INTS12: variants seen among roughly 807,000 people sequenced by gnomAD.
The protein encoded by INTS12 is integrator complex subunit 12.
A neutral mutation model predicts 41.6 loss-of-function variants in INTS12; 13 were observed. The ratio of observed to expected loss-of-function variants is 0.31; its 90% CI spans 0.20 to 0.50. The LOEUF (loss-of-function observed/expected upper bound fraction) is 0.50. Ranked by LOEUF, INTS12 falls within the 20% of genes least tolerant of loss-of-function variation. INTS12 has a pLI of 0.98. For synonymous variants in INTS12, 199 were observed against 191.4 expected, an observed-to-expected ratio of 1.04 and a Z score of -0.33; for missense variants, 432 against 541.6, an observed-to-expected ratio of 0.80 and a Z score of 2.01.
At chr4:105,695,330 T>G (rs905946939) in intron 4 of INTS12, among the ~76,000 whole-genome samples, 186 bp downstream of exon 4, 1 of 152,194 alleles carries the variant, frequency 6.6e-6, no homozygotes, top group Non-Finnish European at 1.5e-5. Context: ...AACTTTAAAA[T>G]TTGTAAATTT....
At chr4:105,696,394 T>C (rs76024642) in intron 3 of INTS12, among the ~76,000 whole-genome samples, 45 of 152,304 alleles carry the variant, frequency 3.0e-4, no homozygotes, top group African/African-American at 1.1e-3. Context: ...ATCATCATCA[T>C]CACTTATCTG....
At position 105,686,720 on chromosome 4, in the gene INTS12, A is replaced by T; in HGVS notation, c.776T>A (p.Phe259Tyr). The change falls in exon 7 of 8, where the codon TTT becomes TAT. Residue 259 changes from phenylalanine to tyrosine, a missense_variant. Phe to Tyr is a conservative substitution (Grantham distance 22, BLOSUM62 3). Coordinates refer to ENST00000340139, the MANE Select transcript of INTS12 (RefSeq NM_020395.4). ...GACTTCTGTTCTCTTAAACGCTAGA[A>T]AAGTTGTCTCTTGTTTCAGTTTAGT... ...PETKLKQETTFLAFKRTEVKT... is the reference protein window; with the variant it reads ...PETKLKQETTYLAFKRTEVKT... The T allele has an allele frequency of 6.2e-7, 1 of 1,613,180 alleles. No homozygotes were observed. The highest frequency in any genetic ancestry group is 1.3e-5 in the African/African-American group (1 of 75,012).
chr4:105,707,478 G>A (rs530799181), intron 1 of INTS12, among the ~76,000 whole-genome samples: 1 of 152,070 alleles, frequency 6.6e-6, no homozygotes, highest in African/African-American at 2.4e-5. Flanking sequence ...AAAGTATAGT[G>A]GTCTTATCTC....
intron 6 of INTS12, among the ~76,000 whole-genome samples, chr4:105,688,652 T>C (rs1008021062): frequency 6.6e-6 from 1 of 152,194 alleles, no homozygotes; most frequent in Admixed American, 6.5e-5. Context: ...CAGAAACATA[T>C]GGCTCCAAAA....
chr4:105,693,399 G>T lies in INTS12; in HGVS notation c.397C>A (p.Gln133Lys), dbSNP rs199575533. The change falls in exon 5 of 8, where the codon CAA becomes AAA. Residue 133 changes from glutamine (Q) to lysine (K), a missense_variant. By Grantham distance (53) the Gln-to-Lys change is moderately conservative (BLOSUM62 1). Coordinates refer to ENST00000340139, the MANE Select transcript of INTS12 (RefSeq NM_020395.4). Reference protein sequence around the residue: ...PETQSSPITVQSSKDLPMADL... With the variant: ...PETQSSPITVKSSKDLPMADL... ...GCCATAGGTAAATCCTTGCTACTTTGGACAGTAATGGGAGATGACTGTGTT... is the reference window on the plus strand; with the variant it reads ...GCCATAGGTAAATCCTTGCTACTTTTGACAGTAATGGGAGATGACTGTGTT... 6 of 1,613,844 alleles carry T rather than the reference G, an allele frequency of 3.7e-6. No individual in the cohort carries two copies. The highest frequency in any genetic ancestry group is 5.1e-6 in the Non-Finnish European group (6 of 1,179,800).
intron 1 of INTS12, chr4:105,707,846 T>C: frequency 1.0e-5 from 5 of 476,812 alleles, no homozygotes; most frequent in Non-Finnish European, 1.4e-5. Context: ...TTCTGTGATC[T>C]CTCCAGTCTA....
chr4:105,682,917 C>T lies in INTS12; in HGVS notation c.1205G>A (p.Ser402Asn), dbSNP rs1206349328. The stretch of plus-strand genomic sequence containing the variant: ...TGATGTTCCACTATTTCCATTCCCA[C>T]TTAGTTGGCTGCTGCTTCCTGGAAC... ...SLVPGSSSQLSGNGNSGTSGP... is the reference protein window; with the variant it reads ...SLVPGSSSQLNGNGNSGTSGP... The change falls in exon 8 of 8, where the codon AGT (serine) becomes AAT (asparagine). Residue 402 changes from serine to asparagine, a missense_variant. This residue lies in a region of INTS12 where 258 missense variants were observed against 309.9 expected (regional missense o/e 0.83). Coordinates refer to ENST00000340139, the MANE Select transcript of INTS12 (RefSeq NM_020395.4). The T allele has an allele frequency of 2.5e-6, 4 of 1,614,106 alleles. No individual in the cohort carries two copies. Among genetic ancestry groups the T allele is most frequent in the Non-Finnish European group, 3.4e-6 (4 of 1,179,968 alleles).
intron 6 of INTS12, chr4:105,687,047 ATAT>A (rs554461661): frequency 4.5e-4 from 245 of 550,438 alleles, no homozygotes; most frequent in African/African-American, 4.3e-3. Flanking sequence ...AGTAAAGATA[ATAT>A]TAAGCTTTAG....
In INTS12 at chr4:105,692,479, G is replaced by A. The variant is rs113183096; in HGVS notation, c.498-344C>T. On this transcript the variant is annotated intron_variant, in intron 5 of 7. Coordinates refer to ENST00000340139, the MANE Select transcript of INTS12 (RefSeq NM_020395.4). ...AGCCTTGGTGACAGAGTAAGACTCT[G>A]TCTCAAAAAAAAAAAAAAAAAAAAA... 9.8e-3 allele frequency among the ~76,000 whole-genome samples: 1,063 copies of A among 108,782 alleles called. 6 individuals carry two copies. Among genetic ancestry groups the A allele is most frequent in the Middle Eastern group, 0.052 (7 of 134 alleles). The allele number at this position is 108,782 out of a possible 152,430, so 71.4% of individuals were successfully genotyped here.
At chr4:105,703,422 A>C (rs1732153374) in intron 2 of INTS12, among the ~76,000 whole-genome samples, 1 of 152,174 alleles carries the variant, frequency 6.6e-6, no homozygotes, top group Admixed American at 6.5e-5. Flanking sequence ...GCCATTACTG[A>C]ACAATGATCT....
chr4:105,695,338 T>C (rs1250125594), intron 4 of INTS12, among the ~76,000 whole-genome samples, 178 bp downstream of exon 4: 1 of 152,176 alleles, frequency 6.6e-6, no homozygotes, highest in East Asian at 1.9e-4. Context: ...AATTTGTAAA[T>C]TTTACTCATT....
At chr4:105,687,288 T>C (rs1731530101) in intron 6 of INTS12, among the ~76,000 whole-genome samples, 1 of 152,198 alleles carries the variant, frequency 6.6e-6, no homozygotes, top group South Asian at 2.1e-4. Flanking sequence ...ATCATTTATA[T>C]GGTTTTAAAT....
At chr4:105,686,442 G>A (rs1023289565) in intron 7 of INTS12, among the ~76,000 whole-genome samples, 6 of 152,138 alleles carry the variant, frequency 3.9e-5, no homozygotes, top group African/African-American at 9.6e-5. Flanking sequence ...GATGAGAATG[G>A]TAAAGAATGT....
chr4:105,702,826 C>G (rs1009888993), intron 2 of INTS12: 1 of 934,844 alleles, frequency 1.1e-6, no homozygotes, highest in Non-Finnish European at 1.3e-6. Flanking sequence ...GTAGTTGAAC[C>G]TAAAATAAAA....
intron 2 of INTS12, among the ~76,000 whole-genome samples, chr4:105,702,092 A>T (rs1307055132): frequency 6.6e-6 from 1 of 151,790 alleles, no homozygotes; most frequent in African/African-American, 2.4e-5. Context: ...GGTGGAATAC[A>T]GAGAAAAAAA....
chr4:105,683,568 G>A (rs1324166088), intron 7 of INTS12, among the ~76,000 whole-genome samples: 2 of 152,020 alleles, frequency 1.3e-5, no homozygotes, highest in Non-Finnish European at 2.9e-5. Flanking sequence ...TCCTTTTTGG[G>A]AATTGCTTTT....
At chr4:105,698,041 C>A (rs530140875) in intron 3 of INTS12, among the ~76,000 whole-genome samples, 2 of 152,238 alleles carry the variant, frequency 1.3e-5, no homozygotes, top group African/African-American at 2.4e-5. Context: ...CACAGTGAGA[C>A]CCTGTCTCAA....
chr4:105,683,362 A>G, intron 7 of INTS12, 45 bp from the exon 8 acceptor site: 3 of 1,367,338 alleles, frequency 2.2e-6, no homozygotes, highest in Non-Finnish European at 3.0e-6. Context: ...AAGTTTAATC[A>G]GTACCTGTAT....
At position 105,682,861 on chromosome 4, in the gene INTS12, T is replaced by A. The variant is rs1425703496; in HGVS notation, c.1261A>T (p.Thr421Ser). 6.2e-7 allele frequency: 1 copy of A among 1,613,996 alleles called. No individual in the cohort carries two copies. Among genetic ancestry groups the A allele is most frequent in the African/African-American group, 1.3e-5 (1 of 74,942 alleles). ...GAGGGAGAGCTGCTGGATTCTGAAG[T>A]AGTTTTGCTGGTAGTACTTCCACTA... ...GPSGSTTSKT[T>S]SESSSSPSAS... is the part of the protein sequence containing the mutation. The change falls in exon 8 of 8, where the codon ACT becomes TCT. Residue 421 changes from threonine to serine, a missense_variant. Transcript: ENST00000340139.
Sources: allele counts gnomAD v4.1 joint callset (sites outside exome capture counted in the v4.1 genomes callset), GRCh38; gene constraint gnomAD v4.1.1; regional missense constraint gnomAD v4.1.1; transcripts MANE v1.5; gene names NCBI Gene and HGNC (gene_info 2026-07-23, HGNC 2026-07-21).